PDE11A: variants seen among roughly 807,000 people sequenced by gnomAD.
PDE11A encodes dual 3',5'-cyclic-AMP and -GMP phosphodiesterase 11A.
PDE11A carries 100 observed loss-of-function variants against 100.5 expected under a neutral mutation model. The ratio of observed to expected loss-of-function variants is 1.00; its 90% CI spans 0.85 to 1.18. The LOEUF (loss-of-function observed/expected upper bound fraction) is 1.18, where lower values mean the gene tolerates loss of function less well. PDE11A is among the 50% of genes most tolerant of loss of function. The pLI is 0.00. For missense variants in PDE11A, 1,141 were observed against 1,152.6 expected (o/e 0.99, Z 0.15); for synonymous variants, 381 against 420.8 (o/e 0.91, Z 1.16).
intron 4 of PDE11A, among the ~76,000 whole-genome samples, chr2:177,894,519 C>T (rs966779282): frequency 1.3e-5 from 2 of 152,094 alleles, no homozygotes; most frequent in African/African-American, 4.8e-5. Flanking sequence ...CCAAGAAAAA[C>T]CTTAAAAACT....
In PDE11A at chr2:177,623,349, A is replaced by G. The variant is rs1350745516; in HGVS notation, c.*6058T>C. 3 of 152,256 alleles carry G rather than the reference A, an allele frequency of 2.0e-5. No individual in the cohort carries two copies. Among genetic ancestry groups the G allele is most frequent in the Non-Finnish European group, 4.4e-5 (3 of 68,034 alleles). 9.4% of individuals were successfully genotyped at this position (152,256 alleles called of 1,614,324 possible). ...TGCTTGTGAAATGGCCAACCTGTCT[A>G]TAATGTAATATTCTTACAATGAAAC... On this transcript the variant is annotated 3_prime_UTR_variant, in exon 20 of 20. Transcript: ENST00000286063.
At chr2:178,042,033 A>G (rs2105849704) in intron 1 of PDE11A, among the ~76,000 whole-genome samples, 1 of 152,346 alleles carries the variant, frequency 6.6e-6, no homozygotes, top group East Asian at 1.9e-4. Context: ...AAACATTACT[A>G]TTCCTTTTCT....
intron 2 of PDE11A, among the ~76,000 whole-genome samples, chr2:177,910,697 A>G (rs536226821): frequency 6.6e-6 from 1 of 152,282 alleles, no homozygotes; most frequent in African/African-American, 2.4e-5. Context: ...GTTAAACTGA[A>G]AATCATTAAA....
At position 177,755,962 on chromosome 2, in the gene PDE11A, C is replaced by A. The variant is rs1402778603; in HGVS notation, c.1788+13361G>T. On this transcript the variant is annotated intron_variant, in intron 10 of 19. Coordinates refer to ENST00000286063, the MANE Select transcript of PDE11A (RefSeq NM_016953.4). The stretch of plus-strand genomic sequence containing the variant: ...AGGGTAGCAGATGGTTTTGCAGGAG[C>A]CCATTCTGTGGGGCAGGGTTTCCTT... Among the ~76,000 whole-genome samples the A allele has an allele frequency of 4.6e-5, 7 of 152,192 alleles. No individual in the cohort carries two copies. In the East Asian group the frequency reaches 1.3e-3, roughly 29 times the overall value.
chr2:177,964,549 C>A (rs553728367), intron 2 of PDE11A, among the ~76,000 whole-genome samples: 10 of 152,202 alleles, frequency 6.6e-5, no homozygotes, highest in Middle Eastern at 3.4e-3. Flanking sequence ...AACCCTTCAC[C>A]CTCAAATAGG....
chr2:178,071,506 G>C lies in PDE11A; in HGVS notation c.912+20C>G, dbSNP rs761638470. On this transcript the variant is annotated intron_variant, in intron 1 of 19. Transcript: ENST00000286063. ...CAAGCCAATGGGGCTCTGGGAGAAG[G>C]GGACAATGCAAAGTCCTACCTGGTA... 2.0e-5 allele frequency: 33 copies of C among 1,613,092 alleles called. 1 individual carries two copies. The South Asian group carries it at 3.5e-4, about 17-fold the overall frequency.
chr2:178,022,302 A>G (rs999828027), intron 1 of PDE11A, among the ~76,000 whole-genome samples: 1 of 152,182 alleles, frequency 6.6e-6, no homozygotes, highest in Admixed American at 6.5e-5. Context: ...TTTCTGGTGC[A>G]GATGTCTGGG....
chr2:178,012,687 C>A (rs2086286393), intron 2 of PDE11A, among the ~76,000 whole-genome samples: 1 of 152,094 alleles, frequency 6.6e-6, no homozygotes, highest in African/African-American at 2.4e-5. Context: ...AGGTACAAGT[C>A]CATTAAGAAA....
At chr2:178,096,448 C>T (rs1002134541) in intron 2 of PDE11A, among the ~76,000 whole-genome samples, 1 of 151,828 alleles carries the variant, frequency 6.6e-6, no homozygotes, top group Admixed American at 6.6e-5. Flanking sequence ...GCTGGGATTA[C>T]AGGCCTGAGC....
intron 17 of PDE11A, among the ~76,000 whole-genome samples, chr2:177,672,552 G>C (rs1263544646): frequency 2.0e-5 from 3 of 152,154 alleles, no homozygotes; most frequent in Non-Finnish European, 4.4e-5. Flanking sequence ...GAGGCTATAA[G>C]GATGAGAATC....
At chr2:177,900,109 A>T (rs1206706900) in intron 3 of PDE11A, among the ~76,000 whole-genome samples, 1 of 152,176 alleles carries the variant, frequency 6.6e-6, no homozygotes, top group African/African-American at 2.4e-5. Context: ...AAAATAAATA[A>T]TAAATAATAT....
chr2:177,774,048 G>C (rs62183042), intron 9 of PDE11A, among the ~76,000 whole-genome samples: 13,468 of 152,152 alleles, frequency 0.089, 629 homozygotes, highest in Middle Eastern at 0.16. Context: ...TTTACCCTCA[G>C]TGTTTGCAGG....
chr2:177,719,858 T>C (rs1559159147), intron 12 of PDE11A, among the ~76,000 whole-genome samples: 1 of 152,140 alleles, frequency 6.6e-6, no homozygotes, highest in Admixed American at 6.5e-5. Context: ...ACAAACAAGA[T>C]GCTCATATCA....
intron 2 of PDE11A, among the ~76,000 whole-genome samples, chr2:178,098,534 A>G (rs2087522798): frequency 6.6e-6 from 1 of 152,210 alleles, no homozygotes; most frequent in Non-Finnish European, 1.5e-5. Flanking sequence ...TTCATAGAGG[A>G]GGATAAGCAG....
chr2:177,878,833 C>T (rs1188663228), intron 4 of PDE11A, among the ~76,000 whole-genome samples: 1 of 152,044 alleles, frequency 6.6e-6, no homozygotes, highest in African/African-American at 2.4e-5. Flanking sequence ...TCCTTCAAAA[C>T]CAGAATAAAC....
At chr2:177,758,155 G>A (rs769729769) in intron 10 of PDE11A, among the ~76,000 whole-genome samples, 55 of 151,510 alleles carry the variant, frequency 3.6e-4, no homozygotes, top group Admixed American at 6.6e-4. Context: ...AAATTAGCCA[G>A]GCATGGTGGC....
chr2:177,667,077 C>T (rs1165311850), intron 18 of PDE11A, among the ~76,000 whole-genome samples: 1 of 151,898 alleles, frequency 6.6e-6, no homozygotes, highest in Admixed American at 6.6e-5. Flanking sequence ...GCCACCACAC[C>T]TAATTTTTGT....
chr2:177,629,054 A>C lies in PDE11A; in HGVS notation c.*353T>G. ...GCCCTATACAAAACGAAGCAGCGCT[A>C]ATGACGCTTTTACTGTTCAGTGTTC... is the stretch of plus-strand genomic sequence containing the variant. On this transcript the variant is annotated 3_prime_UTR_variant, in exon 20 of 20. Transcript: ENST00000286063. 1 of 328,924 alleles carries C rather than the reference A, an allele frequency of 3.0e-6. No homozygotes were observed. Among genetic ancestry groups the C allele is most frequent in the Non-Finnish European group, 5.8e-6 (1 of 171,876 alleles). 20.4% of individuals were successfully genotyped at this position (328,924 alleles called of 1,614,324 possible).
chr2:177,854,330 T>C (rs1158180981), intron 5 of PDE11A, among the ~76,000 whole-genome samples: 1 of 151,852 alleles, frequency 6.6e-6, no homozygotes, highest in Admixed American at 6.6e-5. Flanking sequence ...AAAGAAAAGA[T>C]GGAAATTACA....
Sources: allele counts gnomAD v4.1 joint callset (sites outside exome capture counted in the v4.1 genomes callset), GRCh38; gene constraint gnomAD v4.1.1; transcripts MANE v1.5; gene names NCBI Gene and HGNC (gene_info 2026-07-23, HGNC 2026-07-21).